LDB3: variants seen among roughly 807,000 people sequenced by gnomAD.
LDB3 encodes LIM domain binding 3.
Under a neutral mutation model 69.0 loss-of-function variants are expected in LDB3, and 49 were observed. The observed-to-expected ratio is 0.71, with a 90% CI of 0.56 to 0.90. The LOEUF is 0.90. Ranked by LOEUF, LDB3 falls within the 40% of genes least tolerant of loss-of-function variation. The pLI, the probability that LDB3 is intolerant of heterozygous loss-of-function variation, is 0.00. For missense variants in LDB3, 928 were observed against 974.1 expected (o/e 0.95, Z 0.63); for synonymous variants, 387 against 396.2 (o/e 0.98, Z 0.28).
chr10:86,689,068 T>C (rs942366122), intron 5 of LDB3, among the ~76,000 whole-genome samples: 1 of 152,068 alleles, frequency 6.6e-6, no homozygotes, highest in African/African-American at 2.4e-5. Context: ...GGCCATAACG[T>C]GCTCCCATTT....
intron 2 of LDB3, among the ~76,000 whole-genome samples, chr10:86,678,944 C>T (rs1305369663): frequency 6.6e-6 from 1 of 152,196 alleles, no homozygotes; most frequent in Non-Finnish European, 1.5e-5. Context: ...CCAACAGCCT[C>T]CAAACCTTAA....
intron 13 of LDB3, among the ~76,000 whole-genome samples, chr10:86,727,675 C>G (rs1847301696): frequency 6.6e-6 from 1 of 152,208 alleles, no homozygotes; most frequent in Non-Finnish European, 1.5e-5. Flanking sequence ...CATAGTCTCT[C>G]TCCGAGCTAC....
rs1461402519 is a variant in LDB3, at chr10:86,680,173, G to A, written c.321+16G>A. ...TCACCAGAAGGTAGGTGCTGACTGTGGCGGCGGGGTCCACTCAGCCCTGGT... is the reference window on the plus strand; with the variant it reads ...TCACCAGAAGGTAGGTGCTGACTGTAGCGGCGGGGTCCACTCAGCCCTGGT... On this transcript the variant is annotated intron_variant, in intron 4 of 13. Coordinates refer to ENST00000361373, the MANE Select transcript of LDB3 (RefSeq NM_007078.3). The A allele has an allele frequency of 1.2e-6, 2 of 1,611,572 alleles. No individual in the cohort carries two copies. Among genetic ancestry groups the A allele is most frequent in the Admixed American group, 1.7e-5 (1 of 60,014 alleles).
intron 5 of LDB3, among the ~76,000 whole-genome samples, chr10:86,688,079 G>GTGTGTGTA (rs1845585796): frequency 6.9e-6 from 1 of 143,890 alleles, no homozygotes; most frequent in Non-Finnish European, 1.5e-5. Context: ...GTGTGTGTGT[G>GTGTGTGTA]TGTGTATGTG....
chr10:86,720,206 A>G (rs1281528748), intron 12 of LDB3, among the ~76,000 whole-genome samples: 1 of 152,230 alleles, frequency 6.6e-6, no homozygotes, highest in African/African-American at 2.4e-5. Context: ...GCACTTTGAG[A>G]GGCCAAGGCA....
chr10:86,727,859 T>A (rs539127453), intron 13 of LDB3, among the ~76,000 whole-genome samples: 1 of 149,412 alleles, frequency 6.7e-6, no homozygotes, highest in South Asian at 2.1e-4. Context: ...TTTTTTGAGA[T>A]GGAGTTTCCC....
intron 5 of LDB3, among the ~76,000 whole-genome samples, chr10:86,683,646 G>C (rs997192630): frequency 6.6e-6 from 1 of 152,244 alleles, no homozygotes; most frequent in African/African-American, 2.4e-5. Context: ...GGCTAGGGGA[G>C]GATGTGCAGT....
At chr10:86,722,815 C>T (rs1371378861) in intron 12 of LDB3, among the ~76,000 whole-genome samples, 1 of 151,650 alleles carries the variant, frequency 6.6e-6, no homozygotes, top group Admixed American at 6.6e-5. Context: ...GATCTACCTG[C>T]CTCGACCTCC....
chr10:86,687,228 T>C lies in LDB3; in HGVS notation c.690-4668T>C, dbSNP rs76615432. The C allele has an allele frequency of 0.041, 66,170 of 1,614,128 alleles. 1,920 individuals carry two copies. The highest frequency in any genetic ancestry group is 0.15 in the African/African-American group (11,000 of 75,024). ...TGTATTCCCAGGATGCCATCATGGA[T>C]GCCATCGCTGGGCAGGCCCAAGCCC... is the stretch of plus-strand genomic sequence containing the variant. On this transcript the variant is annotated intron_variant, in intron 5 of 13. Coordinates refer to ENST00000361373, the MANE Select transcript of LDB3 (RefSeq NM_007078.3).
chr10:86,675,635 A>G (rs1044574800), intron 2 of LDB3, among the ~76,000 whole-genome samples: 14 of 152,238 alleles, frequency 9.2e-5, no homozygotes, highest in Non-Finnish European at 1.3e-4. Flanking sequence ...CAGAACAGAC[A>G]TTGCAAAATT....
At chr10:86,682,261 G>T (rs1171521828) in intron 5 of LDB3, among the ~76,000 whole-genome samples, 2 of 152,178 alleles carry the variant, frequency 1.3e-5, no homozygotes, top group African/African-American at 4.8e-5. Flanking sequence ...CGAGTTATCT[G>T]GGACTAGGAA....
Position 86,713,826 on chromosome 10 carries a change from G to A in LDB3, c.1232-2501G>A, listed in dbSNP as rs538712578. Among the ~76,000 whole-genome samples the A allele has an allele frequency of 5.9e-5, 9 of 152,318 alleles. No individual in the cohort carries two copies. In the South Asian group the frequency reaches 1.9e-3, roughly 32 times the overall value. On this transcript the variant is annotated intron_variant, in intron 9 of 13. Coordinates refer to ENST00000361373, the MANE Select transcript of LDB3 (RefSeq NM_007078.3). ...TGTCACCCCAGCAGGTCCCCAGCAT[G>A]CCCTGTGGGGCAGGCAGGGTGTCAG...
At chr10:86,677,489 G>A (rs1355647480) in intron 2 of LDB3, among the ~76,000 whole-genome samples, 2 of 152,186 alleles carry the variant, frequency 1.3e-5, no homozygotes, top group Admixed American at 1.3e-4. Context: ...GAGGCCGGGG[G>A]TGCAGAATTT....
Position 86,718,776 on chromosome 10 carries a change from G to A in LDB3, c.1907G>A (p.Cys636Tyr), listed in dbSNP as rs397517218. ...RQTWHTTCFV[C>Y]AACKKPFGNS... ...ACATGGCACACCACCTGCTTCGTCT[G>A]TGCGGCCTGCAAGAAGCCTTTTGGG... Residue 636 changes from cysteine to tyrosine, a missense_variant, in exon 12 of 14, where the codon TGT becomes TAT. Coordinates refer to ENST00000361373, the MANE Select transcript of LDB3 (RefSeq NM_007078.3). 2 of 1,614,174 alleles carry A rather than the reference G, an allele frequency of 1.2e-6. No individual in the cohort carries two copies. Among genetic ancestry groups the A allele is most frequent in the Non-Finnish European group, 1.7e-6 (2 of 1,180,036 alleles).
chr10:86,712,305 G>T (rs1846699609), intron 9 of LDB3, among the ~76,000 whole-genome samples: 1 of 152,248 alleles, frequency 6.6e-6, no homozygotes, highest in African/African-American at 2.4e-5. Flanking sequence ...GTGGATCCGG[G>T]AGTCTGTAAG....
Position 86,716,318 on chromosome 10 carries a change from C to T in LDB3, c.1232-9C>T. 1 of 1,611,554 alleles carries T rather than the reference C, an allele frequency of 6.2e-7. No homozygotes were observed. The highest frequency in any genetic ancestry group is 1.1e-5 in the South Asian group (1 of 90,984). On this transcript the variant is annotated splice_polypyrimidine_tract_variant and intron_variant, in intron 9 of 13. Coordinates refer to ENST00000361373, the MANE Select transcript of LDB3 (RefSeq NM_007078.3). ...ACACCTTTCTTTGGGTTTTTTTTGG[C>T]TTTTGCAGTGCCTGCATCTACCTAC...
At chr10:86,707,715 T>C (rs553911458) in intron 8 of LDB3, among the ~76,000 whole-genome samples, 42 of 152,268 alleles carry the variant, frequency 2.8e-4, no homozygotes, top group East Asian at 5.8e-4. Context: ...TGAGGTGGGA[T>C]TGATGTGAGC....
intron 2 of LDB3, among the ~76,000 whole-genome samples, chr10:86,675,555 C>G (rs576025492): frequency 2.6e-4 from 40 of 152,364 alleles, no homozygotes; most frequent in Non-Finnish European, 4.6e-4. Flanking sequence ...TTTGGGGGTG[C>G]CCTGCCGTGA....
chr10:86,705,283 T>A (rs901258625), intron 7 of LDB3, among the ~76,000 whole-genome samples: 24 of 151,990 alleles, frequency 1.6e-4, no homozygotes, highest in African/African-American at 5.8e-4. Flanking sequence ...TAAATAAGAG[T>A]CCATGATACC....
Sources: allele counts gnomAD v4.1 joint callset (sites outside exome capture counted in the v4.1 genomes callset), GRCh38; gene constraint gnomAD v4.1.1; transcripts MANE v1.5; gene names NCBI Gene and HGNC (gene_info 2026-07-23, HGNC 2026-07-21).